CABLES1: variants seen among roughly 807,000 people sequenced by gnomAD.
CABLES1 encodes the protein Cdk5 and Abl enzyme substrate 1.
CABLES1 carries 36 observed loss-of-function variants against 57.8 expected under a neutral mutation model. The observed-to-expected ratio is 0.62, with a 90% confidence interval of 0.48 to 0.82. The LOEUF (loss-of-function observed/expected upper bound fraction) is 0.82, where lower values mean the gene tolerates loss of function less well. Among genes scored for constraint, CABLES1 ranks in the 40% least tolerant of loss-of-function variants. CABLES1 has a pLI of 0.00. For missense variants in CABLES1, 767 were observed against 836.6 expected, an observed-to-expected ratio of 0.92 and a Z score of 1.03; for synonymous variants, 374 against 363.0, an observed-to-expected ratio of 1.03 and a Z score of -0.35.
At chr18:23,198,949 A>T (rs1305937800) in intron 3 of CABLES1, among the ~76,000 whole-genome samples, 2 of 152,234 alleles carry the variant, frequency 1.3e-5, no homozygotes, top group African/African-American at 2.4e-5. Context: ...TGATCCCGAG[A>T]GTGGGAAGTA....
chr18:23,209,121 G>T (rs1039661243), intron 3 of CABLES1, among the ~76,000 whole-genome samples: 2 of 152,164 alleles, frequency 1.3e-5, no homozygotes, highest in Non-Finnish European at 2.9e-5. Flanking sequence ...ATTCATAAGT[G>T]CTCAATTGCA....
intron 7 of CABLES1, among the ~76,000 whole-genome samples, chr18:23,251,437 C>T (rs1348544019): frequency 6.6e-6 from 1 of 151,944 alleles, no homozygotes; most frequent in Non-Finnish European, 1.5e-5. Context: ...GGCAACAGAG[C>T]ATGACTCCGT....
At chr18:23,136,936 C>A (rs968151483) in intron 1 of CABLES1, among the ~76,000 whole-genome samples, 3 of 152,222 alleles carry the variant, frequency 2.0e-5, no homozygotes, top group African/African-American at 7.2e-5. Flanking sequence ...TCCTGAAACC[C>A]GGTCCAGACC....
chr18:23,175,596 C>T (rs375991924), intron 1 of CABLES1, among the ~76,000 whole-genome samples: 5 of 152,136 alleles, frequency 3.3e-5, no homozygotes, highest in Non-Finnish European at 4.4e-5. Flanking sequence ...CTCCTGCATG[C>T]GCCACCACAC....
chr18:23,179,803 C>T (rs138990611), intron 1 of CABLES1, among the ~76,000 whole-genome samples: 64 of 152,336 alleles, frequency 4.2e-4, no homozygotes, highest in South Asian at 6.2e-4. Context: ...AAGGGAAGGC[C>T]GTTTTGCTTT....
intron 1 of CABLES1, chr18:23,155,970 C>G: frequency 6.2e-7 from 1 of 1,614,094 alleles, no homozygotes; most frequent in African/African-American, 1.3e-5. Flanking sequence ...GTCAGAGGAT[C>G]GCCTGGGTGA....
intron 1 of CABLES1, among the ~76,000 whole-genome samples, chr18:23,160,841 C>G (rs2046998693): frequency 6.6e-6 from 1 of 152,012 alleles, no homozygotes; most frequent in African/African-American, 2.4e-5. Context: ...TGAGACCACC[C>G]TGGACGACAT....
chr18:23,186,827 C>T (rs550387950), intron 1 of CABLES1, among the ~76,000 whole-genome samples: 2 of 152,216 alleles, frequency 1.3e-5, no homozygotes, highest in African/African-American at 4.8e-5. Context: ...TTACACCACC[C>T]TGGATGGGTA....
intron 7 of CABLES1, among the ~76,000 whole-genome samples, chr18:23,249,122 T>C (rs974498709): frequency 2.0e-5 from 3 of 152,258 alleles, no homozygotes; most frequent in African/African-American, 7.2e-5. Context: ...CCTGAGCCTC[T>C]TGGCAGCAGA....
chr18:23,149,522 TGTACCCACCTCAG>T (rs2046913504), intron 1 of CABLES1, among the ~76,000 whole-genome samples: 1 of 152,164 alleles, frequency 6.6e-6, no homozygotes, highest in Admixed American at 6.6e-5. Context: ...GCTCAAGCAG[TGTACCCACCTCAG>T]TCTCCCAAGG....
chr18:23,178,259 A>T (rs1444208344), intron 1 of CABLES1, among the ~76,000 whole-genome samples: 2 of 150,720 alleles, frequency 1.3e-5, no homozygotes, highest in East Asian at 3.9e-4. Context: ...TCCTGGTTCT[A>T]CCCTTCTGCG....
At chr18:23,245,415 G>A (rs1453887008) in intron 7 of CABLES1, among the ~76,000 whole-genome samples, 1 of 151,592 alleles carries the variant, frequency 6.6e-6, no homozygotes, top group Non-Finnish European at 1.5e-5. Flanking sequence ...GGAGACTGAG[G>A]CACGAGAATC....
rs556758632 is a variant in CABLES1 at position 23,173,210 on chromosome 18, G to A, written c.846-15628G>A. ...GGTAGCCTGTGCTGGAGCATCTGTC[G>A]ATGTGCTGAGCGGGCCCTGCTCTGG... On this transcript the variant is annotated intron_variant, in intron 1 of 9. Transcript: ENST00000256925. Among the ~76,000 whole-genome samples, 9 of 152,318 alleles carry A rather than the reference G, an allele frequency of 5.9e-5. No homozygotes were observed. The East Asian group carries it at 1.3e-3, about 23-fold the overall frequency.
intron 1 of CABLES1, among the ~76,000 whole-genome samples, chr18:23,142,431 A>G (rs2046863427): frequency 6.6e-6 from 1 of 152,152 alleles, no homozygotes; most frequent in Admixed American, 6.5e-5. Context: ...CATGATCTGT[A>G]GTAACCTCTA....
chr18:23,241,215 ATT>A (rs565969843), intron 7 of CABLES1, among the ~76,000 whole-genome samples: 1 of 149,270 alleles, frequency 6.7e-6, no homozygotes, highest in African/African-American at 2.5e-5. Context: ...GTGTCAGTAG[ATT>A]TTTTTTTTTA....
intron 7 of CABLES1, among the ~76,000 whole-genome samples, chr18:23,239,678 T>A (rs996916117): frequency 6.6e-6 from 1 of 152,220 alleles, no homozygotes; most frequent in Non-Finnish European, 1.5e-5. Context: ...TGAGGCCTTA[T>A]TATGAGCCAA....
At chr18:23,213,519 A>G (rs1279289991) in intron 3 of CABLES1, among the ~76,000 whole-genome samples, 1 of 152,070 alleles carries the variant, frequency 6.6e-6, no homozygotes, top group African/African-American at 2.4e-5. Context: ...GCAGATGAAA[A>G]ACCTAATGAT....
intron 7 of CABLES1, among the ~76,000 whole-genome samples, chr18:23,246,557 A>G (rs1252546130): frequency 3.3e-5 from 5 of 151,674 alleles, no homozygotes; most frequent in Admixed American, 3.3e-4. Context: ...ACACCCGGCT[A>G]ATTTTTTGTG....
chr18:23,160,236 A>G (rs1232977566), intron 1 of CABLES1, among the ~76,000 whole-genome samples: 1 of 151,904 alleles, frequency 6.6e-6, no homozygotes, highest in African/African-American at 2.4e-5. Flanking sequence ...ATGGGGTTTC[A>G]CTATGTTGGC....
Sources: allele counts gnomAD v4.1 joint callset (sites outside exome capture counted in the v4.1 genomes callset), GRCh38; gene constraint gnomAD v4.1.1; transcripts MANE v1.5; gene names NCBI Gene and HGNC (gene_info 2026-07-23, HGNC 2026-07-21).